Variants in PRKN observed in about 807,000 individuals in gnomAD.
The protein encoded by PRKN is E3 ubiquitin-protein ligase parkin.
Under a neutral mutation model 59.5 loss-of-function variants are expected in PRKN, and 56 were observed. The observed-to-expected ratio is 0.94, with a 90% CI of 0.76 to 1.18. The LOEUF is 1.18. Among genes scored for constraint, PRKN ranks in the 50% most tolerant of loss-of-function variants. The pLI is 0.00. For missense variants in PRKN, 657 were observed against 596.4 expected, an observed-to-expected ratio of 1.10 and a Z score of -1.06; for synonymous variants, 250 against 222.1, an observed-to-expected ratio of 1.13 and a Z score of -1.12.
At chr6:161,602,608 T>C (rs750335822) in intron 7 of PRKN, among the ~76,000 whole-genome samples, 5 of 152,226 alleles carry the variant, frequency 3.3e-5, no homozygotes, top group Admixed American at 6.5e-5. Flanking sequence ...TTGCTCTCTG[T>C]AGACTGCTGG....
intron 9 of PRKN, among the ~76,000 whole-genome samples, chr6:161,403,274 T>C (rs1787126148): frequency 6.6e-6 from 1 of 152,144 alleles, no homozygotes; most frequent in African/African-American, 2.4e-5. Flanking sequence ...TAATATTCTA[T>C]ATTTTTAAAA....
chr6:162,102,857 C>T (rs1012790913), intron 4 of PRKN, among the ~76,000 whole-genome samples: 50 of 148,502 alleles, frequency 3.4e-4, no homozygotes, highest in African/African-American at 1.2e-3. Flanking sequence ...TCCTGGCTAA[C>T]ACGGTGAAAC....
At chr6:162,304,706 G>T (rs1782144798) in intron 2 of PRKN, among the ~76,000 whole-genome samples, 1 of 150,712 alleles carries the variant, frequency 6.6e-6, no homozygotes, top group Non-Finnish European at 1.5e-5. Flanking sequence ...CAGACTTAAG[G>T]GTACCAGATA....
chr6:161,899,390 T>C (rs1184814112), intron 6 of PRKN, among the ~76,000 whole-genome samples: 1 of 152,192 alleles, frequency 6.6e-6, no homozygotes, highest in Non-Finnish European at 1.5e-5. Flanking sequence ...GTTGCTGACA[T>C]CACTCTGAGG....
chr6:162,011,042 A>AATTATAATATATG (rs1782614405), intron 5 of PRKN, among the ~76,000 whole-genome samples: 1 of 5,172 alleles, frequency 1.9e-4, no homozygotes, highest in African/African-American at 1.4e-3. Context: ...TATAATATAT[A>AATTATAATATATG]TTTATAATAT....
At chr6:161,663,223 T>C (rs1490552058) in intron 7 of PRKN, among the ~76,000 whole-genome samples, 1 of 152,170 alleles carries the variant, frequency 6.6e-6, no homozygotes, top group Admixed American at 6.5e-5. Context: ...TATGTCTTTA[T>C]TAGCAGCATG....
At chr6:162,550,322 A>G (rs1049523651) in intron 1 of PRKN, among the ~76,000 whole-genome samples, 1 of 152,190 alleles carries the variant, frequency 6.6e-6, no homozygotes, top group Non-Finnish European at 1.5e-5. Flanking sequence ...GGAGAAAGAA[A>G]TAGAGCGTCT....
chr6:161,664,219 C>T (rs1045809792), intron 7 of PRKN, among the ~76,000 whole-genome samples: 5 of 152,116 alleles, frequency 3.3e-5, no homozygotes, highest in Admixed American at 6.5e-5. Flanking sequence ...TGCCAACAGA[C>T]GAGCACTTTT....
intron 3 of PRKN, among the ~76,000 whole-genome samples, chr6:162,209,150 G>C (rs985389323): frequency 6.6e-6 from 1 of 152,062 alleles, no homozygotes; most frequent in Non-Finnish European, 1.5e-5. Context: ...TCATCAGAGT[G>C]AACAGACAAC....
intron 4 of PRKN, among the ~76,000 whole-genome samples, chr6:162,184,235 G>A (rs1187088684): frequency 6.6e-6 from 1 of 152,084 alleles, no homozygotes; most frequent in Non-Finnish European, 1.5e-5. Context: ...AAAAATTACT[G>A]ATTGCATAAT....
chr6:162,241,416 T>A (rs112929745), intron 3 of PRKN, among the ~76,000 whole-genome samples: 1 of 152,094 alleles, frequency 6.6e-6, no homozygotes. Context: ...GATAAAGCAA[T>A]TGAGTAAAGT....
intron 1 of PRKN, among the ~76,000 whole-genome samples, chr6:162,478,082 C>T (rs1483498033): frequency 6.6e-6 from 1 of 152,114 alleles, no homozygotes; most frequent in African/African-American, 2.4e-5. Flanking sequence ...AGATCTTCTT[C>T]CCCTAGTACC....
intron 7 of PRKN, among the ~76,000 whole-genome samples, chr6:161,772,655 A>T (rs1054471592): frequency 6.6e-6 from 1 of 152,204 alleles, no homozygotes; most frequent in Non-Finnish European, 1.5e-5. Context: ...TGATCTTGTC[A>T]TCCAAGCAAT....
At chr6:162,023,525 C>T (rs1271824266) in intron 5 of PRKN, among the ~76,000 whole-genome samples, 2 of 152,060 alleles carry the variant, frequency 1.3e-5, no homozygotes, top group Non-Finnish European at 2.9e-5. Flanking sequence ...GGTCGCCTGC[C>T]GGTGTTTGTC....
At chr6:162,724,638 G>A (rs1293807645) in intron 1 of PRKN, among the ~76,000 whole-genome samples, 1 of 152,208 alleles carries the variant, frequency 6.6e-6, no homozygotes, top group East Asian at 1.9e-4. Flanking sequence ...AGGCTAACTT[G>A]TTCCAGAAGC....
chr6:162,011,997 T>C (rs920083083), intron 5 of PRKN, among the ~76,000 whole-genome samples: 8 of 152,084 alleles, frequency 5.3e-5, no homozygotes, highest in Non-Finnish European at 8.8e-5. Flanking sequence ...AATACTACAC[T>C]ACACTGTGCT....
At chr6:161,785,998 GT>G in intron 6 of PRKN, 90 bp from the exon 7 acceptor site, 1 of 1,322,570 alleles carries the variant, frequency 7.6e-7, no homozygotes, top group African/African-American at 1.4e-5. Flanking sequence ...ATCCTGGAGG[GT>G]TGTGTAGACT....
intron 2 of PRKN, among the ~76,000 whole-genome samples, chr6:162,279,499 CCT>C (rs1313543791): frequency 1.3e-5 from 2 of 151,904 alleles, no homozygotes. Flanking sequence ...AGAAAAGAAT[CCT>C]CTGTCTTAAT....
chr6:162,387,565 G>T (rs879548289), intron 2 of PRKN, among the ~76,000 whole-genome samples: 1 of 115,974 alleles, frequency 8.6e-6, no homozygotes, highest in Admixed American at 9.7e-5. Context: ...CAGAGAGAGA[G>T]AGAGAGAGAG....
Sources: allele counts gnomAD v4.1 joint callset (sites outside exome capture counted in the v4.1 genomes callset), GRCh38; gene constraint gnomAD v4.1.1; transcripts MANE v1.5; gene names NCBI Gene and HGNC (gene_info 2026-07-23, HGNC 2026-07-21).